Variants in NEGR1 observed in about 807,000 individuals in gnomAD.
NEGR1 encodes the protein neuronal growth regulator 1.
Under a neutral mutation model 40.9 loss-of-function variants are expected in NEGR1, and 10 were observed. That is an observed-to-expected ratio of 0.24 (90% CI 0.15 to 0.42). The LOEUF is 0.42. Ranked by LOEUF, NEGR1 falls within the 10% of genes least tolerant of loss-of-function variation. The probability of loss-of-function intolerance (pLI) is 1.00; values close to 1 mark genes in which losing one functional copy is unlikely to be tolerated. For missense variants in NEGR1, 352 were observed against 438.9 expected (o/e 0.80, Z 1.77); for synonymous variants, 185 against 166.8 (o/e 1.11, Z -0.84).
At chr1:71,665,165 A>T (rs1332539040) in intron 4 of NEGR1, among the ~76,000 whole-genome samples, 1 of 152,232 alleles carries the variant, frequency 6.6e-6, no homozygotes, top group African/African-American at 2.4e-5. Flanking sequence ...GATACTTAAA[A>T]GTAAAAGTAT....
At chr1:71,942,775 T>C (rs1645978485) in intron 1 of NEGR1, among the ~76,000 whole-genome samples, 1 of 148,116 alleles carries the variant, frequency 6.8e-6, no homozygotes, top group African/African-American at 2.5e-5. Context: ...GTGCTGGGAT[T>C]ACAGGCGTGA....
chr1:72,006,906 TG>T (rs755699931), intron 1 of NEGR1, among the ~76,000 whole-genome samples: 3 of 152,196 alleles, frequency 2.0e-5, no homozygotes, highest in South Asian at 2.1e-4. Flanking sequence ...AACCACATTT[TG>T]ATGAGGGTGT....
In NEGR1 at chr1:71,681,367, T is replaced by TACATAAACATAA. The variant is rs554789234; in HGVS notation, c.667+16629_667+16640dup. Among the ~76,000 whole-genome samples the TACATAAACATAA allele has an allele frequency of 3.8e-3, 572 of 152,360 alleles. 2 individuals are homozygous for TACATAAACATAA. The highest frequency in any genetic ancestry group is 0.012 in the African/African-American group (512 of 41,588). ...GTCAAAAGATCTTTTTATATTTTTCTACATAAACATAAAATGACAGTTGTT... is the reference window on the plus strand; with the variant it reads ...GTCAAAAGATCTTTTTATATTTTTCTACATAAACATAAACATAAACATAAAATGACAGTTGTT... On this transcript the variant is annotated intron_variant, in intron 4 of 6. Transcript: ENST00000357731.
intron 1 of NEGR1, among the ~76,000 whole-genome samples, chr1:71,979,727 G>A (rs1160118304): frequency 6.6e-6 from 1 of 152,098 alleles, no homozygotes; most frequent in African/African-American, 2.4e-5. Context: ...TTATTCTGAG[G>A]TGGTGAGCAA....
chr1:72,126,134 T>TGTGTGTGA lies in NEGR1; in HGVS notation c.176+156184_176+156185insTCACACAC, dbSNP rs1405372516. Among the ~76,000 whole-genome samples, 19 of 136,988 alleles carry TGTGTGTGA rather than the reference T, an allele frequency of 1.4e-4. No homozygotes were observed. The East Asian group carries it at 2.7e-3, about 19-fold the overall frequency. 89.9% of individuals were successfully genotyped at this position (136,988 alleles called of 152,430 possible). On this transcript the variant is annotated intron_variant, in intron 1 of 6. Coordinates refer to ENST00000357731, the MANE Select transcript of NEGR1 (RefSeq NM_173808.3). ...GTGTGTGTGTGTGTGTGTGTGTGTG[T>TGTGTGTGA]GAAAGACAGAGAAAGAGAGAGGAAC...
At chr1:72,094,027 T>C (rs1018045476) in intron 1 of NEGR1, among the ~76,000 whole-genome samples, 1 of 152,202 alleles carries the variant, frequency 6.6e-6, no homozygotes, top group African/African-American at 2.4e-5. Flanking sequence ...TTTTGACTTA[T>C]TTCATCCCTT....
At chr1:71,878,953 G>C (rs1406607494) in intron 2 of NEGR1, among the ~76,000 whole-genome samples, 1 of 151,988 alleles carries the variant, frequency 6.6e-6, no homozygotes, top group Non-Finnish European at 1.5e-5. Context: ...GACCAACATA[G>C]AGAAACCCCG....
intron 1 of NEGR1, among the ~76,000 whole-genome samples, chr1:72,003,977 T>C (rs1370421633): frequency 6.6e-6 from 1 of 152,010 alleles, no homozygotes; most frequent in Admixed American, 6.6e-5. Context: ...GATTAATGAG[T>C]AGAAAAATAA....
At chr1:72,064,608 A>C (rs530023948) in intron 1 of NEGR1, among the ~76,000 whole-genome samples, 1 of 152,150 alleles carries the variant, frequency 6.6e-6, no homozygotes, top group East Asian at 1.9e-4. Context: ...ATTTAGTTTA[A>C]ATTTCTTCCC....
chr1:71,608,425 A>T (rs573545902), intron 5 of NEGR1, among the ~76,000 whole-genome samples: 1 of 150,670 alleles, frequency 6.6e-6, no homozygotes, highest in African/African-American at 2.4e-5. Context: ...TGAAGCTATG[A>T]TTGTGGGCAC....
At chr1:72,094,603 T>C (rs551412433) in intron 1 of NEGR1, among the ~76,000 whole-genome samples, 1 of 152,258 alleles carries the variant, frequency 6.6e-6, no homozygotes, top group South Asian at 2.1e-4. Context: ...ATAAAGATCA[T>C]CCCAATCAAG....
intron 3 of NEGR1, among the ~76,000 whole-genome samples, chr1:71,715,071 G>T (rs1049859110): frequency 1.3e-5 from 2 of 152,184 alleles, no homozygotes; most frequent in African/African-American, 4.8e-5. Context: ...CTAGGCAGAG[G>T]TTCCCAAACC....
At chr1:72,020,576 TG>T (rs1377642867) in intron 1 of NEGR1, among the ~76,000 whole-genome samples, 1 of 150,334 alleles carries the variant, frequency 6.7e-6, no homozygotes, top group Non-Finnish European at 1.5e-5. Flanking sequence ...GAACGAACAC[TG>T]GAAGTTAAAA....
intron 1 of NEGR1, among the ~76,000 whole-genome samples, chr1:72,094,542 C>T (rs140730558): frequency 4.2e-3 from 647 of 152,304 alleles, no homozygotes; most frequent in African/African-American, 0.014. Context: ...TTACCACCAA[C>T]AGACAGTCCA....
At chr1:71,602,464 G>A (rs1194969294) in intron 5 of NEGR1, among the ~76,000 whole-genome samples, 2 of 150,264 alleles carry the variant, frequency 1.3e-5, no homozygotes, top group Non-Finnish European at 3.0e-5. Context: ...TTTTAGCCGG[G>A]ATGGTCTCGA....
intron 1 of NEGR1, among the ~76,000 whole-genome samples, chr1:71,974,387 T>C (rs1646284393): frequency 6.6e-6 from 1 of 152,222 alleles, no homozygotes; most frequent in Non-Finnish European, 1.5e-5. Flanking sequence ...GGATATTAAG[T>C]AAATTTCTGT....
chr1:71,690,451 T>A (rs1653218104), intron 4 of NEGR1, among the ~76,000 whole-genome samples: 1 of 151,594 alleles, frequency 6.6e-6, no homozygotes, highest in Non-Finnish European at 1.5e-5. Flanking sequence ...TTTTGAAGAG[T>A]ATATTTAGCA....
intron 3 of NEGR1, among the ~76,000 whole-genome samples, chr1:71,716,626 C>T (rs1040537399): frequency 1.3e-5 from 2 of 152,070 alleles, no homozygotes; most frequent in African/African-American, 4.8e-5. Context: ...AAACCCAAAC[C>T]TACAGAGCCA....
intron 4 of NEGR1, among the ~76,000 whole-genome samples, chr1:71,666,698 G>A (rs1652253650): frequency 6.6e-6 from 1 of 152,112 alleles, no homozygotes; most frequent in African/African-American, 2.4e-5. Flanking sequence ...TAAATTTATG[G>A]CAAAGTATAG....
Sources: gnomAD v4.1 joint callset for allele counts (sites outside exome capture counted in the v4.1 genomes callset) on GRCh38, gnomAD v4.1.1 for gene constraint, MANE v1.5 for transcripts, NCBI Gene and HGNC (gene_info 2026-07-23, HGNC 2026-07-21) for gene names.